The following NRXN3 variants were observed in gnomAD, a reference collection of about 807,000 sequenced individuals.
The protein encoded by NRXN3 is neurexin III.
Under a neutral mutation model 137.6 loss-of-function variants are expected in NRXN3, and 32 were observed. The observed-to-expected ratio is 0.23, with a 90% confidence interval of 0.18 to 0.31. The LOEUF (loss-of-function observed/expected upper bound fraction) is 0.31, where lower values mean the gene tolerates loss of function less well. Among genes scored for constraint, NRXN3 ranks in the 10% least tolerant of loss-of-function variants. NRXN3 has a pLI of 1.00. For synonymous variants in NRXN3, 798 were observed against 784.5 expected, an observed-to-expected ratio of 1.02 and a Z score of -0.29; for missense variants, 1,574 against 2,062.5, an observed-to-expected ratio of 0.76 and a Z score of 4.59.
At chr14:79,329,980 C>T (rs1390099238) in intron 15 of NRXN3, among the ~76,000 whole-genome samples, 5 of 151,752 alleles carry the variant, frequency 3.3e-5, no homozygotes, top group Non-Finnish European at 5.9e-5. Context: ...AGTGGGAACA[C>T]ACCACTACTT....
At chr14:79,240,764 A>C (rs1207045398) in intron 15 of NRXN3, among the ~76,000 whole-genome samples, 1 of 152,108 alleles carries the variant, frequency 6.6e-6, no homozygotes. Flanking sequence ...AACACAGAGC[A>C]GTGTAATATG....
At chr14:78,395,683 T>G (rs957361795) in intron 4 of NRXN3, among the ~76,000 whole-genome samples, 1 of 152,036 alleles carries the variant, frequency 6.6e-6, no homozygotes, top group Non-Finnish European at 1.5e-5. Context: ...CTTTGCAGAT[T>G]TGTTGTTTGG....
chr14:78,874,353 A>T (rs553703793), intron 10 of NRXN3, among the ~76,000 whole-genome samples: 2 of 152,238 alleles, frequency 1.3e-5, no homozygotes, highest in East Asian at 1.9e-4. Flanking sequence ...TTTCTTTTAC[A>T]TTGTCGTAAG....
chr14:79,463,674 C>T (rs1361942199), intron 15 of NRXN3, among the ~76,000 whole-genome samples: 1 of 152,072 alleles, frequency 6.6e-6, no homozygotes, highest in Non-Finnish European at 1.5e-5. Flanking sequence ...ATTTTTTCTT[C>T]AGTTGAATTG....
At chr14:79,643,317 G>A (rs1339658906) in intron 16 of NRXN3, among the ~76,000 whole-genome samples, 1 of 135,492 alleles carries the variant, frequency 7.4e-6, no homozygotes, top group African/African-American at 2.5e-5. Flanking sequence ...GGAAAAATTT[G>A]CTTATCACCT....
At chr14:78,551,768 C>G (rs1440554357) in intron 4 of NRXN3, among the ~76,000 whole-genome samples, 1 of 151,722 alleles carries the variant, frequency 6.6e-6, no homozygotes, top group Non-Finnish European at 1.5e-5. Context: ...TCTTCTCTCC[C>G]TTCCCCACTC....
chr14:79,713,431 A>T (rs1162839849), intron 19 of NRXN3, among the ~76,000 whole-genome samples: 1 of 147,238 alleles, frequency 6.8e-6, no homozygotes, highest in African/African-American at 2.5e-5. Context: ...ATTAGCATAA[A>T]GTTTTGAGGG....
At chr14:79,596,880 C>G (rs2097863553) in intron 16 of NRXN3, among the ~76,000 whole-genome samples, 1 of 152,078 alleles carries the variant, frequency 6.6e-6, no homozygotes, top group African/African-American at 2.4e-5. Flanking sequence ...AATGGTGGTG[C>G]TTGTCCAAGA....
intron 15 of NRXN3, among the ~76,000 whole-genome samples, chr14:78,999,974 G>A (rs1244636393): frequency 8.5e-5 from 13 of 152,282 alleles, no homozygotes; most frequent in Admixed American, 5.2e-4. Context: ...CTACATGATT[G>A]AAGAAGTTGG....
rs184224424 is a variant in NRXN3, at chr14:79,282,222, G to A, written c.3263-184999G>A. ...AGGGGGAGAGGGACTGGGGGGAGCG[G>A]GTAAGACAGGAAAAAAAGAGGGAGT... On this transcript the variant is annotated intron_variant, in intron 15 of 20. Coordinates refer to ENST00000335750, the MANE Select transcript of NRXN3 (RefSeq NM_001330195.2). Among the ~76,000 whole-genome samples, 224 of 152,114 alleles carry A rather than the reference G, an allele frequency of 1.5e-3. 2 individuals carry two copies. Among genetic ancestry groups the A allele is most frequent in the African/African-American group, 5.0e-3 (208 of 41,480 alleles).
At chr14:78,928,158 G>C (rs935491833) in intron 10 of NRXN3, among the ~76,000 whole-genome samples, 1 of 151,990 alleles carries the variant, frequency 6.6e-6, no homozygotes, top group Non-Finnish European at 1.5e-5. Flanking sequence ...TCCTCAATTT[G>C]CTCTCTGGGA....
chr14:79,836,465 G>GA (rs2099343991), intron 20 of NRXN3, among the ~76,000 whole-genome samples: 2 of 26,910 alleles, frequency 7.4e-5, no homozygotes, highest in East Asian at 2.2e-3. Flanking sequence ...CCACTATTCT[G>GA]GAAAAAAAAT....
chr14:79,080,647 A>G (rs950501607), intron 15 of NRXN3, among the ~76,000 whole-genome samples: 3 of 152,152 alleles, frequency 2.0e-5, no homozygotes, highest in Non-Finnish European at 4.4e-5. Flanking sequence ...CTTTGCTTTC[A>G]TTTACCATAT....
intron 4 of NRXN3, among the ~76,000 whole-genome samples, chr14:78,404,623 T>G (rs2092362640): frequency 6.6e-6 from 1 of 152,208 alleles, no homozygotes; most frequent in African/African-American, 2.4e-5. Flanking sequence ...ATTATTATGC[T>G]GTTAGTGATC....
rs770583570 is a variant in NRXN3, at chr14:78,243,652, C to T, written c.559C>T (p.Arg187Trp). 22 of 1,598,310 alleles carry T rather than the reference C, an allele frequency of 1.4e-5. No individual in the cohort carries two copies. The highest frequency in any genetic ancestry group is 1.6e-4 in the Middle Eastern group (1 of 6,082). ...LDLKYGNSEPRLLGSRGVQMD... is the reference protein window; with the variant it reads ...LDLKYGNSEPWLLGSRGVQMD... The stretch of plus-strand genomic sequence containing the variant: ...TCTCAAGTATGGAAACTCGGAGCCT[C>T]GGCTTCTGGGGAGCCGGGGTGTCCA... The change falls in exon 2 of 21, where the codon CGG becomes TGG. Residue 187 changes from arginine (R) to tryptophan (W), a missense_variant. Transcript: ENST00000335750. The surrounding 1 kb of genome is among the most constrained non-coding windows in gnomAD (Gnocchi z 4.2).
chr14:79,414,901 C>T (rs1051501224), intron 15 of NRXN3, among the ~76,000 whole-genome samples: 4 of 152,208 alleles, frequency 2.6e-5, no homozygotes, highest in Non-Finnish European at 5.9e-5. Context: ...CACTTCTACT[C>T]TCTGTTTCTA....
At chr14:79,416,756 T>C (rs1477343287) in intron 15 of NRXN3, among the ~76,000 whole-genome samples, 4 of 152,172 alleles carry the variant, frequency 2.6e-5, no homozygotes, top group Non-Finnish European at 5.9e-5. Flanking sequence ...TTTTCTTCTA[T>C]GCAGATTTCA....
intron 4 of NRXN3, among the ~76,000 whole-genome samples, chr14:78,596,023 G>A (rs1013469444): frequency 6.6e-6 from 1 of 152,108 alleles, no homozygotes; most frequent in Non-Finnish European, 1.5e-5. Context: ...GACCTGGGAT[G>A]AGGTTCTAAA....
At chr14:79,228,624 C>T (rs1181823518) in intron 15 of NRXN3, among the ~76,000 whole-genome samples, 3 of 152,080 alleles carry the variant, frequency 2.0e-5, no homozygotes, top group Non-Finnish European at 4.4e-5. Flanking sequence ...GTTCTTTCTC[C>T]GTATATATGG....
Sources: allele counts gnomAD v4.1 joint callset (sites outside exome capture counted in the v4.1 genomes callset), GRCh38; gene constraint gnomAD v4.1.1; non-coding constraint Gnocchi (gnomAD v3.1); transcripts MANE v1.5; gene names NCBI Gene and HGNC (gene_info 2026-07-23, HGNC 2026-07-21).